ANO3: variants seen among roughly 807,000 people sequenced by gnomAD.
The protein encoded by ANO3 is anoctamin-3.
Under a neutral mutation model 144.8 loss-of-function variants are expected in ANO3, and 99 were observed. The ratio of observed to expected loss-of-function variants is 0.68; its 90% CI spans 0.58 to 0.81. ANO3 has a LOEUF of 0.81. ANO3 is among the 30% of genes least tolerant of loss of function. The pLI is 0.00. For synonymous variants in ANO3, 414 were observed against 392.6 expected, an observed-to-expected ratio of 1.05 and a Z score of -0.64; for missense variants, 905 against 1,202.2, an observed-to-expected ratio of 0.75 and a Z score of 3.66.
intron 18 of ANO3, among the ~76,000 whole-genome samples, chr11:26,624,921 C>CTT (rs34454148): frequency 4.2e-4 from 61 of 144,564 alleles, no homozygotes; most frequent in South Asian, 2.6e-3. Context: ...TACTTTTTAA[C>CTT]TTTTTTTTTT....
At chr11:26,627,399 A>G (rs1686730150) in intron 18 of ANO3, among the ~76,000 whole-genome samples, 1 of 151,786 alleles carries the variant, frequency 6.6e-6, no homozygotes, top group Admixed American at 6.6e-5. Flanking sequence ...AATGACAATA[A>G]TAATAGTTCC....
chr11:26,403,893 G>T (rs1857211331), intron 1 of ANO3, among the ~76,000 whole-genome samples: 1 of 151,820 alleles, frequency 6.6e-6, no homozygotes, highest in African/African-American at 2.4e-5. Context: ...TCATTTCCCA[G>T]ATATTTGTGT....
rs79126750 is a variant in ANO3 at position 26,478,316 on chromosome 11, G to A, written c.432+15168G>A. Reference sequence around the variant, plus strand: ...TCTATTCTTTGCACTAAAACAAGATGAAAACAACAAATCACTCTAACCTAG... The same window carrying A: ...TCTATTCTTTGCACTAAAACAAGATAAAAACAACAAATCACTCTAACCTAG... On this transcript the variant is annotated intron_variant, in intron 4 of 26. Coordinates refer to ENST00000256737, the MANE Select transcript of ANO3 (RefSeq NM_031418.4). Among the ~76,000 whole-genome samples the A allele has an allele frequency of 2.2e-3, 335 of 152,242 alleles. 1 individual carries two copies. Among genetic ancestry groups the A allele is most frequent in the African/African-American group, 7.3e-3 (305 of 41,562 alleles).
At chr11:26,483,260 T>G (rs1860299181) in intron 4 of ANO3, among the ~76,000 whole-genome samples, 1 of 152,196 alleles carries the variant, frequency 6.6e-6, no homozygotes, top group African/African-American at 2.4e-5. Context: ...ATCTTAATAT[T>G]AGTCATTATG....
intron 1 of ANO3, among the ~76,000 whole-genome samples, chr11:26,258,572 C>T (rs1235587103): frequency 1.3e-5 from 2 of 152,144 alleles, no homozygotes; most frequent in African/African-American, 4.8e-5. Context: ...GTCACAACTG[C>T]CTCTTTTCTC....
chr11:26,402,114 G>A (rs770589535), intron 1 of ANO3, among the ~76,000 whole-genome samples: 32 of 152,088 alleles, frequency 2.1e-4, no homozygotes, highest in South Asian at 8.3e-4. Context: ...ATACACATGC[G>A]TATGTCTTTA....
intron 13 of ANO3, among the ~76,000 whole-genome samples, chr11:26,558,741 G>A (rs1850166290): frequency 6.6e-6 from 1 of 152,090 alleles, no homozygotes; most frequent in African/African-American, 2.4e-5. Context: ...GTGTGTTCCA[G>A]ATGTTACAAC....
intron 3 of ANO3, among the ~76,000 whole-genome samples, chr11:26,456,660 G>A (rs10834979): frequency 0.92 from 82,564 of 89,930 alleles, 38,611 homozygotes; most frequent in East Asian, 1. Flanking sequence ...TGTGGAAGTC[G>A]GTGTGGCGAT....
rs530148772 is a variant in ANO3 at position 26,275,498 on chromosome 11, C to G, written c.155-34147C>G. On this transcript the variant is annotated intron_variant, in intron 1 of 27. Transcript: ENST00000672621. ...TGCTGAAGCCCATAGTTTATAAAAT[C>G]CTACAAACACATCTGTAATTCAAAG... 2.6e-5 allele frequency among the ~76,000 whole-genome samples: 4 copies of G among 152,190 alleles called. No individual in the cohort carries two copies. In the South Asian group the frequency reaches 8.3e-4, roughly 32 times the overall value.
chr11:26,454,244 A>C (rs1449865443), intron 3 of ANO3, among the ~76,000 whole-genome samples: 3 of 152,216 alleles, frequency 2.0e-5, no homozygotes, highest in Non-Finnish European at 4.4e-5. Flanking sequence ...AACTGAAGGA[A>C]ATAGAGACAC....
At chr11:26,642,159 A>C (rs1262814861) in intron 22 of ANO3, 130 bp downstream of exon 22, 5 of 948,284 alleles carry the variant, frequency 5.3e-6, no homozygotes, top group African/African-American at 5.0e-5. Flanking sequence ...ACACGTCTGC[A>C]CCTTCATCTC....
intron 1 of ANO3, among the ~76,000 whole-genome samples, chr11:26,281,964 C>T (rs1853688689): frequency 6.6e-6 from 1 of 152,168 alleles, no homozygotes; most frequent in South Asian, 2.1e-4. Flanking sequence ...AATTAAGATC[C>T]TCCCAGGCCA....
chr11:26,296,955 C>G (rs982033068), intron 1 of ANO3, among the ~76,000 whole-genome samples: 1 of 152,038 alleles, frequency 6.6e-6, no homozygotes, highest in African/African-American at 2.4e-5. Context: ...CTAGGGTACT[C>G]CAGTCAATCA....
chr11:26,619,471 A>C (rs1284414318), intron 17 of ANO3, among the ~76,000 whole-genome samples: 1 of 151,822 alleles, frequency 6.6e-6, no homozygotes, highest in African/African-American at 2.4e-5. Flanking sequence ...TTTTTTTATT[A>C]TTTATTTTTT....
At chr11:26,359,077 T>A (rs560393713) in intron 1 of ANO3, among the ~76,000 whole-genome samples, 1 of 152,210 alleles carries the variant, frequency 6.6e-6, no homozygotes, top group Non-Finnish European at 1.5e-5. Context: ...GTCATTAGAT[T>A]TCAAATTTTT....
intron 1 of ANO3, among the ~76,000 whole-genome samples, chr11:26,237,788 T>C (rs950748520): frequency 1.3e-5 from 2 of 152,088 alleles, no homozygotes; most frequent in Non-Finnish European, 2.9e-5. Flanking sequence ...AAAATTTAGG[T>C]ACCAGTCCCT....
intron 20 of ANO3, among the ~76,000 whole-genome samples, chr11:26,636,042 A>G (rs1386701764): frequency 6.6e-6 from 1 of 152,120 alleles, no homozygotes; most frequent in Non-Finnish European, 1.5e-5. Context: ...TATTTAAAAA[A>G]AATAAAAATT....
intron 4 of ANO3, among the ~76,000 whole-genome samples, chr11:26,484,919 T>A (rs578066131): frequency 2.6e-5 from 4 of 152,324 alleles, no homozygotes; most frequent in African/African-American, 9.6e-5. Context: ...CCTCCTGGGT[T>A]TTGGGCTTGT....
chr11:26,432,339 T>C (rs1858136037), intron 1 of ANO3, among the ~76,000 whole-genome samples: 1 of 152,210 alleles, frequency 6.6e-6, no homozygotes, highest in South Asian at 2.1e-4. Context: ...TTTGTAAATA[T>C]ATTCTTCCCC....
Sources: allele counts gnomAD v4.1 joint callset (sites outside exome capture counted in the v4.1 genomes callset), GRCh38; gene constraint gnomAD v4.1.1; transcripts MANE v1.5; gene names NCBI Gene and HGNC (gene_info 2026-07-23, HGNC 2026-07-21).